Variants in PCBP2 observed in about 807,000 individuals in gnomAD.
PCBP2 encodes the protein poly(rC)-binding protein 2.
A neutral mutation model predicts 50.1 loss-of-function variants in PCBP2; 4 were observed. That is an observed-to-expected ratio of 0.08 (90% CI 0.04 to 0.18). The LOEUF is 0.18. PCBP2 is among the 10% of genes least tolerant of loss of function. The pLI, the probability that PCBP2 is intolerant of heterozygous loss-of-function variation, is 1.00. For missense variants in PCBP2, 161 were observed against 474.3 expected (o/e 0.34, Z 6.14); for synonymous variants, 179 against 168.0 (o/e 1.07, Z -0.51).
intron 13 of PCBP2, among the ~76,000 whole-genome samples, chr12:53,469,251 T>C (rs193073475): frequency 2.6e-5 from 4 of 152,274 alleles, no homozygotes; most frequent in Admixed American, 6.5e-5. Context: ...GGGAATTTTA[T>C]TATTTTATCT....
At chr12:53,467,028 C>G (rs1053086550) in intron 10 of PCBP2, among the ~76,000 whole-genome samples, 193 bp from the exon 11 acceptor site, 6 of 152,138 alleles carry the variant, frequency 3.9e-5, no homozygotes, top group Admixed American at 6.5e-5. Context: ...GGCACCCATT[C>G]TATTTCTAAC....
intron 1 of PCBP2, among the ~76,000 whole-genome samples, chr12:53,453,730 C>A (rs1014970550): frequency 6.6e-6 from 1 of 152,020 alleles, no homozygotes; most frequent in South Asian, 2.1e-4. Context: ...AAAGCTGTTA[C>A]GATTAGGTGC....
At chr12:53,456,031 A>G (rs1940982967) in intron 5 of PCBP2, 30 bp downstream of exon 5, 1 of 1,284,944 alleles carries the variant, frequency 7.8e-7, no homozygotes, top group Non-Finnish European at 1.1e-6. Flanking sequence ...CTCATTCTTC[A>G]TTTTTAAGTG....
At chr12:53,456,728 C>T (rs1941047016) in intron 5 of PCBP2, among the ~76,000 whole-genome samples, 1 of 152,190 alleles carries the variant, frequency 6.6e-6, no homozygotes, top group Admixed American at 6.5e-5. Context: ...AAGGAAAATA[C>T]ACCGGAGGTT....
intron 6 of PCBP2, 74 bp from the exon 7 acceptor site, chr12:53,460,941 T>C: frequency 6.5e-7 from 1 of 1,541,694 alleles, no homozygotes; most frequent in Non-Finnish European, 8.9e-7. Flanking sequence ...TTTTAGGCTC[T>C]GAAATTGCTG....
chr12:53,473,182 C>G (rs1299396834), intron 14 of PCBP2, among the ~76,000 whole-genome samples: 3 of 151,700 alleles, frequency 2.0e-5, no homozygotes, highest in Non-Finnish European at 2.9e-5. Context: ...CTCCTGGGCT[C>G]AAGTGATTCT....
At chr12:53,467,329 A>G in intron 11 of PCBP2, 36 bp downstream of exon 11, 1 of 1,506,850 alleles carries the variant, frequency 6.6e-7, no homozygotes, top group Non-Finnish European at 9.2e-7. Flanking sequence ...TGTAAGGTGT[A>G]GTGCAAGAGA....
At position 53,479,671 on chromosome 12, in the gene PCBP2, G is replaced by GTTTTTTTTTTTTTTTTGGTT; in HGVS notation, c.*241_*242insTTTTGGTTTTTTTTTTTTTT. On this transcript the variant is annotated 3_prime_UTR_variant, in exon 15 of 15. Transcript: ENST00000546463. The stretch of plus-strand genomic sequence containing the variant: ...ATTTAGTTTTATAAGCTTCTCCCTG[G>GTTTTTTTTTTTTTTTTGGTT]TTTTTTTTTTTTGGCTCATGAATTT... 3 of 202,188 alleles carry GTTTTTTTTTTTTTTTTGGTT rather than the reference G, an allele frequency of 1.5e-5. No individual in the cohort carries two copies. Among genetic ancestry groups the GTTTTTTTTTTTTTTTTGGTT allele is most frequent in the East Asian group, 8.5e-5 (1 of 11,738 alleles). 12.5% of individuals were successfully genotyped at this position (202,188 alleles called of 1,614,324 possible).
At chr12:53,457,906 A>G (rs1271069402) in intron 5 of PCBP2, among the ~76,000 whole-genome samples, 5 of 152,144 alleles carry the variant, frequency 3.3e-5, no homozygotes, top group Non-Finnish European at 7.4e-5. Context: ...CTTTGAATCA[A>G]TACAGTCAAA....
intron 14 of PCBP2, among the ~76,000 whole-genome samples, chr12:53,472,814 T>A (rs1942330290): frequency 6.6e-6 from 1 of 152,198 alleles, no homozygotes; most frequent in Admixed American, 6.5e-5. Context: ...GTCTGACTTT[T>A]GCCTTAAGAC....
chr12:53,479,661 C>A lies in PCBP2; in HGVS notation c.*219C>A. The stretch of plus-strand genomic sequence containing the variant: ...TGAGATCCATATTTAGTTTTATAAG[C>A]TTCTCCCTGGTTTTTTTTTTTTGGC... On this transcript the variant is annotated 3_prime_UTR_variant, in exon 15 of 15. Coordinates refer to ENST00000546463, the MANE Select transcript of PCBP2 (RefSeq NM_031989.5). 2.5e-5 allele frequency: 2 copies of A among 80,374 alleles called. No individual in the cohort carries two copies. Among genetic ancestry groups the A allele is most frequent in the Non-Finnish European group, 3.9e-5 (2 of 51,296 alleles). 5.0% of individuals were successfully genotyped at this position (80,374 alleles called of 1,614,324 possible).
At chr12:53,455,816 G>A in intron 4 of PCBP2, 69 bp from the exon 5 acceptor site, 1 of 1,028,342 alleles carries the variant, frequency 9.7e-7, no homozygotes, top group Non-Finnish European at 1.5e-6. Context: ...TCTTATAAGG[G>A]ACTGTAGATC....
At position 53,468,852 on chromosome 12, in the gene PCBP2, A is replaced by T. The variant is rs200625207; in HGVS notation, c.882+20A>T. 2.7e-4 allele frequency: 432 copies of T among 1,585,160 alleles called. No individual in the cohort carries two copies. Among genetic ancestry groups the T allele is most frequent in the Middle Eastern group, 1.8e-3 (11 of 6,004 alleles). On this transcript the variant is annotated intron_variant, in intron 13 of 14. Transcript: ENST00000546463. ...AACGATGTAAGTGTAGTTAGGTTGC[A>T]TGGGATGAAAATAAGAAAATAGACT...
At chr12:53,471,236 G>T (rs919016283) in intron 13 of PCBP2, among the ~76,000 whole-genome samples, 2 of 151,892 alleles carry the variant, frequency 1.3e-5, no homozygotes, top group Non-Finnish European at 2.9e-5. Context: ...CTTAAACCAA[G>T]GAGTTTGAGA....
At chr12:53,470,412 C>CTTTT (rs796803021) in intron 13 of PCBP2, among the ~76,000 whole-genome samples, 1 of 117,038 alleles carries the variant, frequency 8.5e-6, no homozygotes, top group Non-Finnish European at 1.8e-5. Flanking sequence ...AGTGTAGTGG[C>CTTTT]TTTTTTTTTT....
At chr12:53,475,305 C>G in intron 14 of PCBP2, 1 of 379,642 alleles carries the variant, frequency 2.6e-6, no homozygotes, top group South Asian at 1.9e-5. Flanking sequence ...CTATTGTGAG[C>G]TTGTTACCGT....
At chr12:53,460,475 G>A (rs978914339) in intron 6 of PCBP2, 2 of 249,228 alleles carry the variant, frequency 8.0e-6, no homozygotes, top group African/African-American at 2.3e-5. Flanking sequence ...TGGAAGTTAC[G>A]TTGAATTATG....
intron 7 of PCBP2, 125 bp downstream of exon 7, chr12:53,461,268 A>C: frequency 9.4e-7 from 1 of 1,064,906 alleles, no homozygotes; most frequent in Non-Finnish European, 1.3e-6. Flanking sequence ...GTGGGGCTAA[A>C]AGGTTCCCTG....
chr12:53,474,803 T>TA (rs1942462773), intron 14 of PCBP2: 2 of 358,782 alleles, frequency 5.6e-6, no homozygotes, highest in Admixed American at 3.6e-5. Flanking sequence ...GTCCTGTACT[T>TA]ACTCCCTTTT....
Sources: gnomAD v4.1 joint callset for allele counts (sites outside exome capture counted in the v4.1 genomes callset) on GRCh38, gnomAD v4.1.1 for gene constraint, MANE v1.5 for transcripts, NCBI Gene and HGNC (gene_info 2026-07-23, HGNC 2026-07-21) for gene names.